Variants in CLCA2 observed in about 807,000 individuals in gnomAD.
CLCA2 encodes the protein chloride channel accessory 2.
In CLCA2, 85 loss-of-function variants were observed where a neutral mutation model predicts 82.9. The ratio of observed to expected loss-of-function variants is 1.03; its 90% CI spans 0.86 to 1.23. The LOEUF is 1.23. Among genes scored for constraint, CLCA2 ranks in the 50% most tolerant of loss-of-function variants. The pLI is 0.00. For synonymous variants in CLCA2, 421 were observed against 391.7 expected (o/e 1.07, Z -0.88); for missense variants, 1,089 against 1,124.8 (o/e 0.97, Z 0.45).
Position 86,424,412 on chromosome 1 carries a change from G to A in CLCA2, c.165G>A (p.Gln55=). ...IAINPQVPEN[Q]NLISNIKEMI... is the part of the protein sequence containing the mutation. ...TTAATCCTCAGGTACCTGAGAATCAGAACCTCATCTCAAACATTAAGGTGA... is the reference window on the plus strand; with the variant it reads ...TTAATCCTCAGGTACCTGAGAATCAAAACCTCATCTCAAACATTAAGGTGA... The change falls in exon 1 of 14, where the codon CAG becomes CAA. Residue 55 remains glutamine (Q), a synonymous_variant. Transcript: ENST00000370565. 6.2e-7 allele frequency: 1 copy of A among 1,611,344 alleles called. No individual in the cohort carries two copies. The highest frequency in any genetic ancestry group is 8.5e-7 in the Non-Finnish European group (1 of 1,178,902).
At chr1:86,430,798 C>T in intron 3 of CLCA2, 64 bp from the exon 4 acceptor site, 3 of 1,175,544 alleles carry the variant, frequency 2.6e-6, no homozygotes, top group Non-Finnish European at 3.8e-6. Context: ...TACGTCTTCA[C>T]TAGTTAGCAA....
In CLCA2 at chr1:86,438,898, A is replaced by C. The variant is rs372779531; in HGVS notation, c.995A>C (p.Gln332Pro). 5 of 1,614,066 alleles carry C rather than the reference A, an allele frequency of 3.1e-6. No homozygotes were observed. The highest frequency in any genetic ancestry group is 2.2e-5 in the East Asian group (1 of 44,878). Residue 332 changes from glutamine to proline, a missense_variant, in exon 7 of 14, where the codon CAA (glutamine) becomes CCA (proline). Coordinates refer to ENST00000370565, the MANE Select transcript of CLCA2 (RefSeq NM_006536.7). ...MAEADRLLQL[Q>P]QAAEFYLMQI... ...TAGGCTGACAGACTCCTTCAACTAC[A>C]ACAAGCCGCAGAATTTTATTTGATG...
chr1:86,445,847 A>T (rs1429027260), intron 10 of CLCA2, among the ~76,000 whole-genome samples: 1 of 152,214 alleles, frequency 6.6e-6, no homozygotes. Context: ...CATGCAATCT[A>T]TGAAATATTA....
At chr1:86,447,807 A>G (rs1392303213) in intron 11 of CLCA2, 29 bp downstream of exon 11, 2 of 1,598,406 alleles carry the variant, frequency 1.3e-6, no homozygotes, top group South Asian at 2.2e-5. Context: ...ACATTTTATC[A>G]TCTTCTCAAC....
chr1:86,447,607 G>A lies in CLCA2; in HGVS notation c.1813G>A (p.Ala605Thr). 1 of 1,614,100 alleles carries A rather than the reference G, an allele frequency of 6.2e-7. No individual in the cohort carries two copies. Among genetic ancestry groups the A allele is most frequent in the Non-Finnish European group, 8.5e-7 (1 of 1,180,014 alleles). Residue 605 changes from alanine to threonine, a missense_variant, in exon 11 of 14, where the codon GCC becomes ACC. By Grantham distance (58) the Ala-to-Thr change is moderately conservative (BLOSUM62 0). Transcript: ENST00000370565. ...CGCCTCCAACTCAGCTGTGCCCCCA[G>A]CCACTGTGGAAGCCTTTGTGGAAAG... ...SRASNSAVPP[A>T]TVEAFVERDS...
intron 12 of CLCA2, among the ~76,000 whole-genome samples, chr1:86,452,376 G>A (rs1263682669): frequency 4.6e-5 from 7 of 151,900 alleles, no homozygotes; most frequent in African/African-American, 1.7e-4. Flanking sequence ...CTAAGTGGCC[G>A]CCTTGTTGCT....
chr1:86,425,447 A>G lies in CLCA2; in HGVS notation c.295A>G (p.Ser99Gly). Reference protein sequence around the residue: ...IPATWKANNNSKIKQESYEKA... With the variant: ...IPATWKANNNGKIKQESYEKA... ...TGCCACATGGAAAGCTAATAATAAC[A>G]GCAAAATAAAACAAGAATCATATGA... The change falls in exon 2 of 14, where the codon AGC (serine) becomes GGC (glycine). Residue 99 changes from serine (S) to glycine (G), a missense_variant. By Grantham distance (56) the Ser-to-Gly change is moderately conservative. Coordinates refer to ENST00000370565, the MANE Select transcript of CLCA2 (RefSeq NM_006536.7). The G allele has an allele frequency of 6.4e-7, 1 of 1,559,816 alleles. No individual in the cohort carries two copies. Among genetic ancestry groups the G allele is most frequent in the Non-Finnish European group, 8.7e-7 (1 of 1,152,944 alleles).
chr1:86,454,558 GAGGC>G (rs1663033289), intron 13 of CLCA2, among the ~76,000 whole-genome samples: 1 of 152,158 alleles, frequency 6.6e-6, no homozygotes, highest in South Asian at 2.1e-4. Flanking sequence ...TTGGGAGGCC[GAGGC>G]AGGTGGATCA....
intron 11 of CLCA2, among the ~76,000 whole-genome samples, chr1:86,449,556 C>G (rs551192604): frequency 1.1e-4 from 17 of 152,344 alleles, no homozygotes; most frequent in African/African-American, 3.8e-4. Context: ...CTAAATCTAT[C>G]TTGATAATAA....
chr1:86,444,833 C>G (rs1261114533), intron 10 of CLCA2, among the ~76,000 whole-genome samples: 2 of 152,112 alleles, frequency 1.3e-5, no homozygotes, highest in Non-Finnish European at 2.9e-5. Context: ...TTCACTCTTG[C>G]ACTGCCTGAA....
chr1:86,425,550 A>G lies in CLCA2; in HGVS notation c.324+74A>G. Reference sequence around the variant, plus strand: ...CAAAATATACTGTGCTCAAACGATAAAAGTGAGAAGTTAAGTAAAAACAAA... The same window carrying G: ...CAAAATATACTGTGCTCAAACGATAGAAGTGAGAAGTTAAGTAAAAACAAA... On this transcript the variant is annotated intron_variant, in intron 2 of 13. Coordinates refer to ENST00000370565, the MANE Select transcript of CLCA2 (RefSeq NM_006536.7). 3 of 1,255,982 alleles carry G rather than the reference A, an allele frequency of 2.4e-6. No homozygotes were observed. In the Admixed American group the frequency reaches 8.9e-5, roughly 37 times the overall value. 77.8% of individuals were successfully genotyped at this position (1,255,982 alleles called of 1,614,324 possible).
intron 10 of CLCA2, among the ~76,000 whole-genome samples, chr1:86,447,188 C>T (rs1371737732): frequency 1.3e-5 from 2 of 152,218 alleles, no homozygotes; most frequent in East Asian, 1.9e-4. Context: ...CTGTAAAGTA[C>T]TTTGAAGCTG....
intron 12 of CLCA2, 60 bp downstream of exon 12, chr1:86,450,793 G>A: frequency 2.8e-6 from 4 of 1,410,294 alleles, no homozygotes; most frequent in Non-Finnish European, 3.8e-6. Flanking sequence ...TCTCTGATGG[G>A]TATGTGTGTA....
intron 10 of CLCA2, among the ~76,000 whole-genome samples, chr1:86,444,264 A>T (rs559575530): frequency 9.8e-4 from 150 of 152,314 alleles, no homozygotes; most frequent in Non-Finnish European, 1.7e-3. Flanking sequence ...ATTACAATTA[A>T]TGTTTTTCTA....
At chr1:86,439,186 G>A (rs1166500312) in intron 7 of CLCA2, 80 bp downstream of exon 7, 2 of 1,327,452 alleles carry the variant, frequency 1.5e-6, no homozygotes, top group East Asian at 4.8e-5. Context: ...CTCTGATGAT[G>A]GGCAGTTTGT....
chr1:86,427,044 GA>G (rs1299803473), intron 2 of CLCA2, among the ~76,000 whole-genome samples: 2 of 152,154 alleles, frequency 1.3e-5, no homozygotes, highest in African/African-American at 4.8e-5. Flanking sequence ...AGCAAACAGT[GA>G]ATGATCATTA....
At chr1:86,446,694 G>T (rs1394485276) in intron 10 of CLCA2, among the ~76,000 whole-genome samples, 1 of 152,192 alleles carries the variant, frequency 6.6e-6, no homozygotes, top group Non-Finnish European at 1.5e-5. Context: ...TTGCTTTTCT[G>T]TTCTTCCTTC....
chr1:86,451,693 A>G (rs570385465), intron 12 of CLCA2, among the ~76,000 whole-genome samples: 105 of 152,162 alleles, frequency 6.9e-4, no homozygotes, highest in African/African-American at 2.0e-3. Flanking sequence ...CTGGAGCCAC[A>G]TTGCCTGGTT....
Position 86,440,340 on chromosome 1 carries a change from A to C in CLCA2, c.1381+15A>C. 6.2e-7 allele frequency: 1 copy of C among 1,608,194 alleles called. No individual in the cohort carries two copies. The highest frequency in any genetic ancestry group is 8.5e-7 in the Non-Finnish European group (1 of 1,177,082). On this transcript the variant is annotated intron_variant, in intron 8 of 13. Transcript: ENST00000370565. ...ACGTCTTACAGGTAATAAACTTTTA[A>C]AAACTTATCTTTTGGAGCATGTCCC...
Sources: gnomAD v4.1 joint callset for allele counts (sites outside exome capture counted in the v4.1 genomes callset) on GRCh38, gnomAD v4.1.1 for gene constraint, MANE v1.5 for transcripts, NCBI Gene and HGNC (gene_info 2026-07-23, HGNC 2026-07-21) for gene names.